The following TRHDE variants were observed in gnomAD, a reference collection of about 807,000 sequenced individuals.
TRHDE encodes thyrotropin releasing hormone degrading enzyme, also known as thyrotropin-releasing hormone-degrading ectoenzyme.
In TRHDE, 72 loss-of-function variants were observed where a neutral mutation model predicts 125.7. The observed-to-expected ratio is 0.57, with a 90% CI of 0.47 to 0.70. The LOEUF (loss-of-function observed/expected upper bound fraction) is 0.70, where lower values mean the gene tolerates loss of function less well. Ranked by LOEUF, TRHDE falls within the 30% of genes least tolerant of loss-of-function variation. The probability of loss-of-function intolerance (pLI) is 0.00; values close to 1 mark genes in which losing one functional copy is unlikely to be tolerated. For synonymous variants in TRHDE, 509 were observed against 509.1 expected (o/e 1.00, Z 0.00); for missense variants, 1,110 against 1,327.1 (o/e 0.84, Z 2.54).
At chr12:72,382,043 G>T (rs1872208574) in intron 3 of TRHDE, among the ~76,000 whole-genome samples, 1 of 152,164 alleles carries the variant, frequency 6.6e-6, no homozygotes, top group Admixed American at 6.5e-5. Flanking sequence ...ACAGGAGCAA[G>T]GGGGACTGGT....
rs576949642 is a variant in TRHDE, at chr12:72,520,562, AC to A, written c.1722+20930del. On this transcript the variant is annotated intron_variant, in intron 6 of 18. Transcript: ENST00000261180. ...TCTCTGGCACTCCCTAGTGAGATGA[AC>A]CCGGTACCTCAGATGGAAATGCAGA... Among the ~76,000 whole-genome samples the A allele has an allele frequency of 2.0e-4, 30 of 152,156 alleles. No homozygotes were observed. The South Asian group carries it at 5.6e-3, about 28-fold the overall frequency.
intron 2 of TRHDE, among the ~76,000 whole-genome samples, chr12:72,242,685 G>C (rs867221872): frequency 6.6e-6 from 1 of 152,034 alleles, no homozygotes; most frequent in Non-Finnish European, 1.5e-5. Flanking sequence ...AAAATGGAGG[G>C]CAAAAAAGAT....
At chr12:72,167,137 G>A (rs565032800) in intron 2 of TRHDE, among the ~76,000 whole-genome samples, 6 of 152,112 alleles carry the variant, frequency 3.9e-5, no homozygotes, top group Non-Finnish European at 7.4e-5. Flanking sequence ...AAGTGAACAT[G>A]ATGGTCACTT....
At chr12:72,119,930 T>G (rs535494188) in intron 2 of TRHDE, among the ~76,000 whole-genome samples, 1 of 152,302 alleles carries the variant, frequency 6.6e-6, no homozygotes, top group East Asian at 1.9e-4. Flanking sequence ...AGGTGAAGTA[T>G]GTTTCTTGTA....
chr12:72,570,373 G>T (rs762791093), intron 10 of TRHDE, among the ~76,000 whole-genome samples: 15 of 152,014 alleles, frequency 9.9e-5, no homozygotes, highest in Non-Finnish European at 1.9e-4. Flanking sequence ...TTGAGATCAG[G>T]AGTTTGAGAC....
intron 1 of TRHDE, among the ~76,000 whole-genome samples, chr12:72,103,474 A>T (rs527445060): frequency 6.6e-6 from 1 of 152,136 alleles, no homozygotes; most frequent in Non-Finnish European, 1.5e-5. Flanking sequence ...GTCATAAAAG[A>T]TACGACTTAC....
At chr12:72,207,675 G>A (rs1376291836) in intron 2 of TRHDE, among the ~76,000 whole-genome samples, 1 of 152,182 alleles carries the variant, frequency 6.6e-6, no homozygotes, top group East Asian at 1.9e-4. Flanking sequence ...GATGGTTTAT[G>A]TTGCATTGCA....
intron 12 of TRHDE, among the ~76,000 whole-genome samples, chr12:72,583,956 G>A (rs570259144): frequency 3.2e-5 from 2 of 61,960 alleles, no homozygotes; most frequent in Admixed American, 2.3e-4. Context: ...TTTTTGAGAC[G>A]GAGTCTCGCT....
intron 2 of TRHDE, among the ~76,000 whole-genome samples, chr12:72,200,459 CATCTT>C (rs201147517): frequency 0.017 from 2,599 of 152,210 alleles, 41 homozygotes; most frequent in Middle Eastern, 0.041. Context: ...ACTGGTATCT[CATCTT>C]GAGTTATGTT....
intron 5 of TRHDE, among the ~76,000 whole-genome samples, chr12:72,490,168 A>G (rs1877597827): frequency 6.6e-6 from 1 of 151,900 alleles, no homozygotes; most frequent in Non-Finnish European, 1.5e-5. Context: ...AAAAATGAGC[A>G]GAAGACCAGA....
intron 3 of TRHDE, among the ~76,000 whole-genome samples, chr12:72,427,953 C>T (rs1413912550): frequency 6.6e-6 from 1 of 152,156 alleles, no homozygotes; most frequent in African/African-American, 2.4e-5. Context: ...GTCATACCTC[C>T]AGAAGTGTAG....
intron 2 of TRHDE, among the ~76,000 whole-genome samples, chr12:72,330,503 C>CT (rs1869544828): frequency 6.6e-6 from 1 of 152,180 alleles, no homozygotes; most frequent in South Asian, 2.1e-4. Context: ...ATGGGAGAGC[C>CT]TGTGGTCATG....
intron 3 of TRHDE, among the ~76,000 whole-genome samples, chr12:72,396,943 C>G (rs1006568394): frequency 2.0e-5 from 3 of 152,138 alleles, no homozygotes; most frequent in Non-Finnish European, 4.4e-5. Context: ...GTATCTCTCT[C>G]TATTGATCTT....
intron 5 of TRHDE, among the ~76,000 whole-genome samples, chr12:72,493,852 C>T (rs1407499610): frequency 6.6e-6 from 1 of 151,972 alleles, no homozygotes; most frequent in Non-Finnish European, 1.5e-5. Context: ...CTTAAATATT[C>T]AATTCAAACT....
intron 2 of TRHDE, among the ~76,000 whole-genome samples, chr12:72,310,930 G>GA (rs988339287): frequency 3.3e-5 from 5 of 152,038 alleles, no homozygotes; most frequent in South Asian, 2.1e-4. Context: ...TATTATTGGA[G>GA]AAAAAATCAG....
chr12:72,372,185 G>A (rs1247494486), intron 2 of TRHDE, among the ~76,000 whole-genome samples: 1 of 152,054 alleles, frequency 6.6e-6, no homozygotes, highest in Non-Finnish European at 1.5e-5. Flanking sequence ...CTGCATAAAT[G>A]TCTTCTTTTG....
chr12:72,440,724 G>A (rs1368746787), intron 3 of TRHDE, among the ~76,000 whole-genome samples: 1 of 151,760 alleles, frequency 6.6e-6, no homozygotes, highest in Non-Finnish European at 1.5e-5. Context: ...AGCATCTGAG[G>A]TACAAACCCC....
At chr12:72,660,453 G>T (rs1398907724) in intron 18 of TRHDE, among the ~76,000 whole-genome samples, 1 of 152,098 alleles carries the variant, frequency 6.6e-6, no homozygotes. Context: ...TAAGGAACGG[G>T]TGCCTTCCCT....
chr12:72,507,755 G>A (rs960087156), intron 6 of TRHDE, among the ~76,000 whole-genome samples: 2 of 152,200 alleles, frequency 1.3e-5, no homozygotes, highest in Non-Finnish European at 2.9e-5. Context: ...CCAAGACAAT[G>A]GGGAAAAATG....
Sources: allele counts gnomAD v4.1 joint callset (sites outside exome capture counted in the v4.1 genomes callset), GRCh38; gene constraint gnomAD v4.1.1; transcripts MANE v1.5; gene names NCBI Gene and HGNC (gene_info 2026-07-23, HGNC 2026-07-21).